ANKH: variants seen among roughly 807,000 people sequenced by gnomAD.
The protein encoded by ANKH is mineralization regulator ANKH.
In ANKH, 15 loss-of-function variants were observed where a neutral mutation model predicts 49.0. That is an observed-to-expected ratio of 0.31 (90% confidence interval 0.20 to 0.47). The LOEUF is 0.47. Among genes scored for constraint, ANKH ranks in the 20% least tolerant of loss-of-function variants. ANKH has a pLI of 1.00. For missense variants in ANKH, 429 were observed against 652.0 expected (o/e 0.66, Z 3.72); for synonymous variants, 273 against 260.0 (o/e 1.05, Z -0.48).
intron 1 of ANKH, among the ~76,000 whole-genome samples, chr5:14,794,203 G>T (rs1036507437): frequency 9.9e-5 from 15 of 152,236 alleles, no homozygotes; most frequent in African/African-American, 3.4e-4. Flanking sequence ...TTCTAGAGCA[G>T]CAGAGCCTAT....
At chr5:14,859,896 T>A (rs1205348306) in intron 1 of ANKH, among the ~76,000 whole-genome samples, 1 of 152,222 alleles carries the variant, frequency 6.6e-6, no homozygotes, top group Non-Finnish European at 1.5e-5. Flanking sequence ...CTTACTGCCA[T>A]CCACCACTTT....
Position 14,737,258 on chromosome 5 carries a change from C to A in ANKH, c.1011+4569G>T, listed in dbSNP as rs765146944. Among the ~76,000 whole-genome samples, 1 of 152,204 alleles carries A rather than the reference C, an allele frequency of 6.6e-6. No individual in the cohort carries two copies. The highest frequency in any genetic ancestry group is 2.4e-5 in the African/African-American group (1 of 41,456). On this transcript the variant is annotated intron_variant, in intron 8 of 11. Transcript: ENST00000284268. This position sits in a 1 kb window ranked among gnomAD's most constrained non-coding sequence, Gnocchi z 5.0. ...CCACCAAAAGGACTGTTGGAAGATACAGCCCATGCCGGTGAGTGGTTTCTA... is the reference window on the plus strand; with the variant it reads ...CCACCAAAAGGACTGTTGGAAGATAAAGCCCATGCCGGTGAGTGGTTTCTA...
In ANKH at chr5:14,794,209, C is replaced by A. The variant is rs367783658; in HGVS notation, c.97-25018G>T. Among the ~76,000 whole-genome samples the A allele has an allele frequency of 2.6e-5, 4 of 152,310 alleles. No individual in the cohort carries two copies. In the East Asian group the frequency reaches 5.8e-4, roughly 22 times the overall value. On this transcript the variant is annotated intron_variant, in intron 1 of 11. Coordinates refer to ENST00000284268, the MANE Select transcript of ANKH (RefSeq NM_054027.6). ...GCCAGCCTATTCTAGAGCAGCAGAG[C>A]CTATTTTCAAAGGACAGTTATTTTA...
chr5:14,749,447 G>T, intron 5 of ANKH, 141 bp from the exon 6 acceptor site: 1 of 916,214 alleles, frequency 1.1e-6, no homozygotes, highest in Non-Finnish European at 1.7e-6. Flanking sequence ...AAAAGTGTCT[G>T]TAGACAAGCC....
chr5:14,751,721 A>T (rs1215994007), intron 4 of ANKH, among the ~76,000 whole-genome samples: 1 of 148,768 alleles, frequency 6.7e-6, no homozygotes, highest in Non-Finnish European at 1.5e-5. Flanking sequence ...AAACAAACAA[A>T]AAAACACCCC....
chr5:14,717,206 A>C, intron 8 of ANKH: 1 of 287,340 alleles, frequency 3.5e-6, no homozygotes, highest in Non-Finnish European at 6.9e-6. Context: ...TATTCATATA[A>C]TTTTTACAGC....
At chr5:14,815,353 A>G (rs905372893) in intron 1 of ANKH, among the ~76,000 whole-genome samples, 1 of 152,182 alleles carries the variant, frequency 6.6e-6, no homozygotes, top group African/African-American at 2.4e-5. Context: ...TCTGGGCTGC[A>G]GCTCATCTGT....
At chr5:14,734,589 G>A (rs1738109835) in intron 8 of ANKH, among the ~76,000 whole-genome samples, 1 of 152,228 alleles carries the variant, frequency 6.6e-6, no homozygotes, top group South Asian at 2.1e-4. Context: ...TCTTTGAGGT[G>A]GAACTCGGGT....
At chr5:14,735,739 T>C (rs1273291698) in intron 8 of ANKH, among the ~76,000 whole-genome samples, 2 of 152,086 alleles carry the variant, frequency 1.3e-5, no homozygotes, top group Non-Finnish European at 2.9e-5. Context: ...GTGCCCAAAT[T>C]TCTTCCTCTA....
At chr5:14,792,173 A>G (rs1740190218) in intron 1 of ANKH, among the ~76,000 whole-genome samples, 1 of 152,172 alleles carries the variant, frequency 6.6e-6, no homozygotes, top group Non-Finnish European at 1.5e-5. Context: ...GGAAGCGTGC[A>G]TGGAGTGGAG....
At chr5:14,787,599 C>T (rs1740019882) in intron 1 of ANKH, among the ~76,000 whole-genome samples, 1 of 152,072 alleles carries the variant, frequency 6.6e-6, no homozygotes. Context: ...AGAGCAGATG[C>T]TACTTTTATT....
rs543137577 is a variant in ANKH, at chr5:14,782,670, G to C, written c.97-13479C>G. ...ACTATACAACAAGCATTACGGCGCAGATGTAAAGGCTGAACTGAGTGTGAC... is the reference window on the plus strand; with the variant it reads ...ACTATACAACAAGCATTACGGCGCACATGTAAAGGCTGAACTGAGTGTGAC... On this transcript the variant is annotated intron_variant, in intron 1 of 11. Transcript: ENST00000284268. Among the ~76,000 whole-genome samples the C allele has an allele frequency of 3.3e-5, 5 of 152,274 alleles. No homozygotes were observed. The East Asian group carries it at 9.6e-4, about 29-fold the overall frequency.
At chr5:14,763,019 A>G (rs1327503463) in intron 2 of ANKH, among the ~76,000 whole-genome samples, 1 of 152,234 alleles carries the variant, frequency 6.6e-6, no homozygotes, top group Non-Finnish European at 1.5e-5. Flanking sequence ...AGGGACACAG[A>G]AAGTGCCCTT....
chr5:14,839,376 C>T (rs1037484244), intron 1 of ANKH, among the ~76,000 whole-genome samples: 11 of 152,066 alleles, frequency 7.2e-5, no homozygotes, highest in African/African-American at 2.7e-4. Context: ...AACTTGAATA[C>T]ATACAGACAC....
intron 1 of ANKH, among the ~76,000 whole-genome samples, chr5:14,842,830 T>G (rs1049947839): frequency 6.6e-6 from 1 of 152,102 alleles, no homozygotes; most frequent in African/African-American, 2.4e-5. Context: ...CCATGGGTGG[T>G]GATTTTCTTC....
At chr5:14,798,489 CTA>C in intron 1 of ANKH, 1 of 897,318 alleles carries the variant, frequency 1.1e-6, no homozygotes, top group African/African-American at 2.4e-5. Flanking sequence ...CACGCGGTCT[CTA>C]TTTTTTTTTT....
rs1409414757 is a variant in ANKH at position 14,770,409 on chromosome 5, G to T, written c.97-1218C>A. Among the ~76,000 whole-genome samples the T allele has an allele frequency of 5.3e-5, 8 of 152,008 alleles. No individual in the cohort carries two copies. The highest frequency in any genetic ancestry group is 3.3e-4 in the Admixed American group (5 of 15,262). On this transcript the variant is annotated intron_variant, in intron 1 of 11. Coordinates refer to ENST00000284268, the MANE Select transcript of ANKH (RefSeq NM_054027.6). This position sits in a 1 kb window ranked among gnomAD's most constrained non-coding sequence, Gnocchi z 4.1. ...GCCTGAAACCATGGAAAGTACCTAT[G>T]TTTTTTCCTATATATACTATGTTTT... is the stretch of plus-strand genomic sequence containing the variant.
chr5:14,810,055 C>A (rs1226312738), intron 1 of ANKH, among the ~76,000 whole-genome samples: 1 of 152,026 alleles, frequency 6.6e-6, no homozygotes, highest in Non-Finnish European at 1.5e-5. Flanking sequence ...GGTCTCGGCA[C>A]CACAGATAGC....
intron 1 of ANKH, among the ~76,000 whole-genome samples, chr5:14,830,131 A>G (rs1169457642): frequency 6.6e-6 from 1 of 152,254 alleles, no homozygotes; most frequent in Non-Finnish European, 1.5e-5. Context: ...GACTGAACAC[A>G]TACCTATGGA....
Sources: allele counts gnomAD v4.1 joint callset (sites outside exome capture counted in the v4.1 genomes callset), GRCh38; gene constraint gnomAD v4.1.1; non-coding constraint Gnocchi (gnomAD v3.1); transcripts MANE v1.5; gene names NCBI Gene and HGNC (gene_info 2026-07-23, HGNC 2026-07-21).